Variants in SHANK2 observed in about 807,000 individuals in gnomAD.
The protein encoded by SHANK2 is SH3 and multiple ankyrin repeat domains protein 2.
In SHANK2, 43 loss-of-function variants were observed where a neutral mutation model predicts 133.7. The observed-to-expected ratio is 0.32, with a 90% CI of 0.25 to 0.41. The LOEUF is 0.41. Ranked by LOEUF, SHANK2 falls within the 10% of genes least tolerant of loss-of-function variation. The probability of loss-of-function intolerance (pLI) is 1.00; values close to 1 mark genes in which losing one functional copy is unlikely to be tolerated. For synonymous variants in SHANK2, 1,017 were observed against 952.8 expected (o/e 1.07, Z -1.24); for missense variants, 1,994 against 2,235.8 (o/e 0.89, Z 2.18).
intron 17 of SHANK2, among the ~76,000 whole-genome samples, chr11:70,580,585 C>CG (rs1310666765): frequency 1.3e-5 from 2 of 152,210 alleles, no homozygotes; most frequent in African/African-American, 4.8e-5. Context: ...GTGGCACCCA[C>CG]GGGGGCTCAA....
At chr11:70,899,210 C>A (rs371808901) in intron 10 of SHANK2, among the ~76,000 whole-genome samples, 4 of 152,114 alleles carry the variant, frequency 2.6e-5, no homozygotes, top group Non-Finnish European at 5.9e-5. Flanking sequence ...AGGGACCCGG[C>A]GGGAGGTAAC....
intron 17 of SHANK2, among the ~76,000 whole-genome samples, chr11:70,584,511 C>T (rs1591611606): frequency 6.6e-6 from 1 of 152,188 alleles, no homozygotes; most frequent in Non-Finnish European, 1.5e-5. Context: ...AGCCACTAAC[C>T]CTGCCCCCAT....
At chr11:70,744,051 G>C (rs1298881652) in intron 14 of SHANK2, among the ~76,000 whole-genome samples, 1 of 152,198 alleles carries the variant, frequency 6.6e-6, no homozygotes, top group Non-Finnish European at 1.5e-5. Flanking sequence ...TGGGCATCCC[G>C]GGCCACACTT....
chr11:70,869,775 T>C (rs1202225387), intron 11 of SHANK2, among the ~76,000 whole-genome samples: 2 of 152,294 alleles, frequency 1.3e-5, no homozygotes, highest in East Asian at 1.9e-4. Flanking sequence ...GGGGAGTCCA[T>C]GGTGGTGTTG....
intron 17 of SHANK2, among the ~76,000 whole-genome samples, chr11:70,573,737 C>A (rs1554983636): frequency 6.6e-6 from 1 of 152,182 alleles, no homozygotes; most frequent in African/African-American, 2.4e-5. Context: ...AAACGGGGCG[C>A]CAGCCGATGC....
intron 11 of SHANK2, among the ~76,000 whole-genome samples, chr11:70,878,393 A>G (rs1949604592): frequency 6.6e-6 from 1 of 152,202 alleles, no homozygotes; most frequent in East Asian, 1.9e-4. Context: ...ATTCGGAACA[A>G]ACATACAGGG....
chr11:70,805,297 C>T (rs892238175), intron 13 of SHANK2, among the ~76,000 whole-genome samples: 2 of 152,340 alleles, frequency 1.3e-5, no homozygotes, highest in South Asian at 2.1e-4. Context: ...ACAAGAAGAC[C>T]GTGTGTCCCT....
intron 8 of SHANK2, among the ~76,000 whole-genome samples, chr11:71,089,581 G>T (rs1039170023): frequency 6.6e-6 from 1 of 152,068 alleles, no homozygotes; most frequent in African/African-American, 2.4e-5. Flanking sequence ...GAGACACATG[G>T]CTGGGGCTCA....
At chr11:70,673,565 C>G (rs1437775572) in intron 15 of SHANK2, among the ~76,000 whole-genome samples, 1 of 152,248 alleles carries the variant, frequency 6.6e-6, no homozygotes. Flanking sequence ...ATGTCCTCCT[C>G]TCCCGGGAAC....
chr11:71,110,239 C>T (rs189591454), intron 5 of SHANK2, among the ~76,000 whole-genome samples, 190 bp from the exon 6 acceptor site: 21 of 152,126 alleles, frequency 1.4e-4, no homozygotes, highest in African/African-American at 4.1e-4. Context: ...GAGATCGAGA[C>T]CATCCTGGCT....
chr11:70,624,060 G>T (rs557096650), intron 17 of SHANK2, among the ~76,000 whole-genome samples: 97 of 152,256 alleles, frequency 6.4e-4, no homozygotes, highest in Non-Finnish European at 1.2e-3. Flanking sequence ...TGCAGGGAGG[G>T]GCAGCCTTGG....
chr11:71,077,755 A>G (rs1213782255), intron 8 of SHANK2, among the ~76,000 whole-genome samples: 8 of 152,148 alleles, frequency 5.3e-5, no homozygotes, highest in Admixed American at 5.2e-4. Flanking sequence ...AAGGGTCCAC[A>G]GACGGCTGCA....
intron 17 of SHANK2, among the ~76,000 whole-genome samples, chr11:70,537,476 G>A (rs1254945396): frequency 6.6e-6 from 1 of 152,244 alleles, no homozygotes; most frequent in African/African-American, 2.4e-5. Flanking sequence ...GATGAAGTCA[G>A]AGACAGGATG....
intron 11 of SHANK2, among the ~76,000 whole-genome samples, chr11:70,874,198 C>T (rs1370719152): frequency 6.6e-6 from 1 of 152,124 alleles, no homozygotes; most frequent in African/African-American, 2.4e-5. Flanking sequence ...TCCATCCATC[C>T]ATCCATATCT....
chr11:71,223,809 G>A (rs782635158), intron 2 of SHANK2, among the ~76,000 whole-genome samples: 1 of 152,170 alleles, frequency 6.6e-6, no homozygotes, highest in Non-Finnish European at 1.5e-5. Context: ...CCCCATCCAC[G>A]TGAAAATGAC....
At chr11:70,741,489 G>T (rs1016213915) in intron 14 of SHANK2, among the ~76,000 whole-genome samples, 6 of 151,986 alleles carry the variant, frequency 3.9e-5, no homozygotes, top group African/African-American at 9.7e-5. Context: ...TCATCCATCT[G>T]CCCACCCATC....
chr11:70,593,929 G>A (rs1031652476), intron 17 of SHANK2, among the ~76,000 whole-genome samples: 15 of 152,224 alleles, frequency 9.9e-5, no homozygotes, highest in Non-Finnish European at 1.2e-4. Context: ...GCACATGTGG[G>A]ACCTGCTGGT....
chr11:70,502,730 T>TTC, intron 18 of SHANK2, 66 bp downstream of exon 18: 1 of 772,454 alleles, frequency 1.3e-6, no homozygotes, highest in Non-Finnish European at 1.9e-6. Flanking sequence ...CCAGCTGTCC[T>TTC]GCCCGCCCCC....
chr11:70,800,102 C>T (rs1426403959), intron 13 of SHANK2, among the ~76,000 whole-genome samples: 1 of 152,124 alleles, frequency 6.6e-6, no homozygotes, highest in Non-Finnish European at 1.5e-5. Flanking sequence ...CAGCGCACTG[C>T]AGCCTTGACT....
Sources: allele counts gnomAD v4.1 joint callset (sites outside exome capture counted in the v4.1 genomes callset), GRCh38; gene constraint gnomAD v4.1.1; transcripts MANE v1.5; gene names NCBI Gene and HGNC (gene_info 2026-07-23, HGNC 2026-07-21).